Variants in STK38L observed in about 807,000 individuals in gnomAD.
STK38L encodes the protein serine/threonine-protein kinase 38-like.
STK38L carries 28 observed loss-of-function variants against 59.7 expected under a neutral mutation model. The observed-to-expected ratio is 0.47, with a 90% CI of 0.35 to 0.64. STK38L has a LOEUF of 0.64. Among genes scored for constraint, STK38L ranks in the 30% least tolerant of loss-of-function variants. STK38L has a pLI of 0.01. For missense variants in STK38L, 314 were observed against 555.8 expected, an observed-to-expected ratio of 0.56 and a Z score of 4.37; for synonymous variants, 162 against 176.8, an observed-to-expected ratio of 0.92 and a Z score of 0.66.
chr12:27,273,305 C>T (rs1482330896), intron 1 of STK38L, among the ~76,000 whole-genome samples: 2 of 152,046 alleles, frequency 1.3e-5, no homozygotes, highest in Non-Finnish European at 2.9e-5. Flanking sequence ...ATGTGTGACC[C>T]TAGACAAGGC....
chr12:27,314,689 T>C (rs1332007952), intron 7 of STK38L, 31 bp downstream of exon 7: 2 of 1,554,492 alleles, frequency 1.3e-6, no homozygotes, highest in African/African-American at 2.8e-5. Context: ...ATTACTAGGC[T>C]GTTGATTATT....
Position 27,297,667 on chromosome 12 carries a change from T to G in STK38L, c.-11-43T>G, listed in dbSNP as rs181053322. On this transcript the variant is annotated intron_variant, in intron 1 of 13. Coordinates refer to ENST00000389032, the MANE Select transcript of STK38L (RefSeq NM_015000.4). ...CAGAGTTTATTATAAAAGATAGGGG[T>G]TTTTTTTCCCACTGAATAATTTGTT... is the stretch of plus-strand genomic sequence containing the variant. 4.5e-3 allele frequency: 6,971 copies of G among 1,553,122 alleles called. 20 individuals are homozygous for G. The highest frequency in any genetic ancestry group is 5.1e-3 in the Non-Finnish European group (5,868 of 1,149,156).
At chr12:27,257,361 T>C (rs1041000948) in intron 1 of STK38L, among the ~76,000 whole-genome samples, 4 of 152,214 alleles carry the variant, frequency 2.6e-5, no homozygotes, top group Non-Finnish European at 5.9e-5. Context: ...TCAGACAGTG[T>C]TGGGGTCACA....
At chr12:27,309,015 C>A in intron 4 of STK38L, 99 bp from the exon 5 acceptor site, 1 of 443,904 alleles carries the variant, frequency 2.3e-6, no homozygotes, top group Non-Finnish European at 3.3e-6. Flanking sequence ...TCCTGAAATA[C>A]CAACACTGGC....
At chr12:27,250,280 T>G (rs1942943491) in intron 1 of STK38L, among the ~76,000 whole-genome samples, 1 of 152,152 alleles carries the variant, frequency 6.6e-6, no homozygotes, top group African/African-American at 2.4e-5. Flanking sequence ...GCTTTTATGA[T>G]CTGGAGATTT....
chr12:27,263,853 T>C (rs1334759702), intron 1 of STK38L, among the ~76,000 whole-genome samples: 1 of 152,168 alleles, frequency 6.6e-6, no homozygotes, highest in Non-Finnish European at 1.5e-5. Flanking sequence ...TGCCTAATTG[T>C]GAGATTCCTA....
At chr12:27,286,245 C>A (rs1318643372) in intron 1 of STK38L, among the ~76,000 whole-genome samples, 1 of 152,142 alleles carries the variant, frequency 6.6e-6, no homozygotes, top group Non-Finnish European at 1.5e-5. Context: ...ACTTGATTCC[C>A]CTTTACCCCT....
At chr12:27,310,106 C>T (rs1163253690) in intron 5 of STK38L, among the ~76,000 whole-genome samples, 3 of 152,076 alleles carry the variant, frequency 2.0e-5, no homozygotes, top group Admixed American at 6.6e-5. Flanking sequence ...AAAGTGAAAC[C>T]CATTGGCATA....
At chr12:27,248,887 G>A (rs529070020) in intron 1 of STK38L, among the ~76,000 whole-genome samples, 125 of 152,284 alleles carry the variant, frequency 8.2e-4, no homozygotes, top group African/African-American at 3.0e-3. Flanking sequence ...TAAATTAATA[G>A]TGATGGTATA....
chr12:27,249,304 G>T (rs1210309227), intron 1 of STK38L, among the ~76,000 whole-genome samples: 1 of 152,178 alleles, frequency 6.6e-6, no homozygotes, highest in African/African-American at 2.4e-5. Flanking sequence ...TCTGTGGTAT[G>T]TGATAACACT....
chr12:27,258,704 C>T (rs1943141104), intron 1 of STK38L, among the ~76,000 whole-genome samples: 1 of 152,126 alleles, frequency 6.6e-6, no homozygotes, highest in Non-Finnish European at 1.5e-5. Context: ...AAATATAATT[C>T]TTTACATTTT....
chr12:27,311,051 G>A (rs1944442648), intron 5 of STK38L, among the ~76,000 whole-genome samples: 1 of 152,068 alleles, frequency 6.6e-6, no homozygotes, highest in South Asian at 2.1e-4. Flanking sequence ...ATTACTATAG[G>A]TCATACTTTC....
In STK38L at chr12:27,317,414, T is replaced by A. The variant is rs767735353; in HGVS notation, c.916T>A (p.Trp306Arg). 6.2e-7 allele frequency: 1 copy of A among 1,613,166 alleles called. No homozygotes were observed. Among genetic ancestry groups the A allele is most frequent in the South Asian group, 1.1e-5 (1 of 90,868 alleles). Residue 306 changes from tryptophan (W) to arginine (R), a missense_variant, in exon 10 of 14, where the codon TGG (tryptophan) becomes AGG (arginine). Physicochemically the swap from Trp to Arg is moderately radical, Grantham distance 101. This residue lies in a region of STK38L where 28 missense variants were observed against 96.7 expected (regional missense o/e 0.29). Transcript: ENST00000389032. Reference protein sequence around the residue: ...MQTGYNKLCDWWSLGVIMYEM... With the variant: ...MQTGYNKLCDRWSLGVIMYEM... Reference sequence around the variant, plus strand: ...GACTGGTTACAACAAATTGTGTGACTGGTGGTCTTTGGGAGTGATTATGTA... The same window carrying A: ...GACTGGTTACAACAAATTGTGTGACAGGTGGTCTTTGGGAGTGATTATGTA...
intron 1 of STK38L, among the ~76,000 whole-genome samples, chr12:27,265,702 G>T (rs1289880517): frequency 6.6e-6 from 1 of 152,200 alleles, no homozygotes; most frequent in Admixed American, 6.5e-5. Flanking sequence ...TTGGCTGCAT[G>T]TGTGAGTTTG....
chr12:27,308,258 TG>T lies in STK38L; in HGVS notation c.187-80del. On this transcript the variant is annotated intron_variant, in intron 3 of 13. Coordinates refer to ENST00000389032, the MANE Select transcript of STK38L (RefSeq NM_015000.4). The surrounding 1 kb of genome is among the most constrained non-coding windows in gnomAD (Gnocchi z 4.5). ...ATTAGTGCTATCATTTATTTTTACG[TG>T]TATCATCTTTTAATACTAGAAGCTC... is the stretch of plus-strand genomic sequence containing the variant. The T allele has an allele frequency of 7.7e-7, 1 of 1,293,468 alleles. No homozygotes were observed. The allele number at this position is 1,293,468 out of a possible 1,614,324, so 80.1% of individuals were successfully genotyped here. A position where few individuals can be genotyped will look rare whatever the true frequency, so the allele number is the denominator to read the frequency against.
At chr12:27,250,557 G>A (rs1207178142) in intron 1 of STK38L, among the ~76,000 whole-genome samples, 1 of 152,054 alleles carries the variant, frequency 6.6e-6, no homozygotes, top group Non-Finnish European at 1.5e-5. Flanking sequence ...CAGACATAGT[G>A]CTAAGTACTT....
At chr12:27,289,684 G>A (rs1943853915) in intron 1 of STK38L, among the ~76,000 whole-genome samples, 1 of 152,166 alleles carries the variant, frequency 6.6e-6, no homozygotes, top group African/African-American at 2.4e-5. Flanking sequence ...AAAAACAAAA[G>A]CTATTAACAG....
At chr12:27,306,845 A>T (rs1033892748) in intron 3 of STK38L, among the ~76,000 whole-genome samples, 2 of 151,902 alleles carry the variant, frequency 1.3e-5, no homozygotes, top group Admixed American at 6.6e-5. Context: ...GGTTCAAGTG[A>T]TTCTCCTGCC....
At chr12:27,259,408 G>A (rs1372604011) in intron 1 of STK38L, among the ~76,000 whole-genome samples, 1 of 152,144 alleles carries the variant, frequency 6.6e-6, no homozygotes, top group African/African-American at 2.4e-5. Flanking sequence ...CGCTTCACGT[G>A]TCATGGGCAT....
Sources: allele counts gnomAD v4.1 joint callset (sites outside exome capture counted in the v4.1 genomes callset), GRCh38; gene constraint gnomAD v4.1.1; regional missense constraint gnomAD v4.1.1; non-coding constraint Gnocchi (gnomAD v3.1); transcripts MANE v1.5; gene names NCBI Gene and HGNC (gene_info 2026-07-23, HGNC 2026-07-21).